CDYL2: variants seen among roughly 807,000 people sequenced by gnomAD.
The protein encoded by CDYL2 is chromodomain Y-like protein 2.
CDYL2 carries 23 observed loss-of-function variants against 49.4 expected under a neutral mutation model. The observed-to-expected ratio is 0.47, with a 90% confidence interval of 0.34 to 0.66. The LOEUF (loss-of-function observed/expected upper bound fraction) is 0.66. Ranked by LOEUF, CDYL2 falls within the 30% of genes least tolerant of loss-of-function variation. The probability of loss-of-function intolerance (pLI) is 0.01; values close to 1 mark genes in which losing one functional copy is unlikely to be tolerated. For synonymous variants in CDYL2, 360 were observed against 268.8 expected, an observed-to-expected ratio of 1.34 and a Z score of -3.32; for missense variants, 678 against 656.4, an observed-to-expected ratio of 1.03 and a Z score of -0.36.
chr16:80,804,915 C>T (rs991981787), upstream of CDYL2, among the ~76,000 whole-genome samples: 1 of 152,018 alleles, frequency 6.6e-6, no homozygotes, highest in Non-Finnish European at 1.5e-5. Context: ...CCTCCACCCT[C>T]GAGGGGAGTG....
chr16:80,716,066 A>G (rs1483102599), intron 1 of CDYL2, among the ~76,000 whole-genome samples: 1 of 152,268 alleles, frequency 6.6e-6, no homozygotes, highest in East Asian at 1.9e-4. Flanking sequence ...TGGGATCATT[A>G]TAAGGATGAA....
intron 1 of CDYL2, among the ~76,000 whole-genome samples, chr16:80,741,104 A>C (rs1292839008): frequency 6.6e-6 from 1 of 151,010 alleles, no homozygotes; most frequent in Non-Finnish European, 1.5e-5. Flanking sequence ...TAAGGTAGTA[A>C]GTAAGCATAG....
intron 1 of CDYL2, among the ~76,000 whole-genome samples, chr16:80,743,595 C>T (rs895246050): frequency 3.0e-4 from 45 of 152,158 alleles, no homozygotes; most frequent in African/African-American, 9.4e-4. Context: ...CCCCCAGAAA[C>T]CCCAGACATT....
intron 1 of CDYL2, among the ~76,000 whole-genome samples, chr16:80,726,273 C>A (rs998473267): frequency 2.0e-5 from 3 of 152,164 alleles, no homozygotes; most frequent in African/African-American, 7.2e-5. Context: ...CATAGGTTTT[C>A]TCCCAGTAAG....
At chr16:80,622,579 A>G (rs1362614710) in intron 3 of CDYL2, among the ~76,000 whole-genome samples, 1 of 152,150 alleles carries the variant, frequency 6.6e-6, no homozygotes, top group Non-Finnish European at 1.5e-5. Context: ...GTATACTCAG[A>G]GCCTAGCACA....
rs1906044383 is a variant in CDYL2, at chr16:80,600,720, C to T, written c.*3668G>A. On this transcript the variant is annotated 3_prime_UTR_variant, in exon 7 of 7. Transcript: ENST00000570137. The stretch of plus-strand genomic sequence containing the variant: ...TTTGAAGATGTTTCTATTTGTTTCT[C>T]TCTGTTAAAAAATTTCCACAGAAAC... The T allele has an allele frequency of 6.6e-6, 1 of 151,956 alleles. No homozygotes were observed. The highest frequency in any genetic ancestry group is 1.9e-4 in the East Asian group (1 of 5,198). The allele number at this position is 151,956 out of a possible 1,614,324, so 9.4% of individuals were successfully genotyped here. A position where few individuals can be genotyped will look rare whatever the true frequency, so the allele number is the denominator to read the frequency against.
In CDYL2 at chr16:80,658,327, G is replaced by T. The variant is rs376665957; in HGVS notation, c.617-25091C>A. Among the ~76,000 whole-genome samples the T allele has an allele frequency of 2.6e-5, 4 of 152,002 alleles. No homozygotes were observed. The East Asian group carries it at 5.8e-4, about 22-fold the overall frequency. On this transcript the variant is annotated intron_variant, in intron 2 of 6. Coordinates refer to ENST00000570137, the MANE Select transcript of CDYL2 (RefSeq NM_152342.4). ...GAAATAAACTAAATGAAAAGAGAAA[G>T]AAATAAACCTAATCGTCTTTCAAAG...
chr16:80,647,768 C>G (rs1908415127), intron 2 of CDYL2, among the ~76,000 whole-genome samples: 1 of 152,098 alleles, frequency 6.6e-6, no homozygotes, highest in African/African-American at 2.4e-5. Context: ...CTAGGACAGG[C>G]TACATTTTAA....
intron 2 of CDYL2, among the ~76,000 whole-genome samples, chr16:80,671,269 G>A (rs1223668415): frequency 1.3e-5 from 2 of 152,184 alleles, no homozygotes; most frequent in Admixed American, 6.5e-5. Flanking sequence ...ACAGAGTTAC[G>A]GACAAGCCAG....
In CDYL2 at chr16:80,696,481, A is replaced by G; in HGVS notation, c.25-11352T>C. ...AAACCATTAGCTAGACTAAGTAAAA[A>G]ATAGAGAAGACACAAATAAAATCAC... is the stretch of plus-strand genomic sequence containing the variant. On this transcript the variant is annotated intron_variant, in intron 1 of 6. Coordinates refer to ENST00000570137, the MANE Select transcript of CDYL2 (RefSeq NM_152342.4). Among the ~76,000 whole-genome samples, 2 of 152,114 alleles carry G rather than the reference A, an allele frequency of 1.3e-5. 1 individual carries two copies. Among genetic ancestry groups the G allele is most frequent in the Non-Finnish European group, 2.9e-5 (2 of 68,012 alleles).
At chr16:80,778,215 A>G (rs1233544760) in intron 1 of CDYL2, among the ~76,000 whole-genome samples, 1 of 152,036 alleles carries the variant, frequency 6.6e-6, no homozygotes, top group African/African-American at 2.4e-5. Context: ...ATTCATGGTG[A>G]AACAAAAAGC....
chr16:80,655,520 G>A lies in CDYL2; in HGVS notation c.617-22284C>T, dbSNP rs112691797. On this transcript the variant is annotated intron_variant, in intron 2 of 6. Coordinates refer to ENST00000570137, the MANE Select transcript of CDYL2 (RefSeq NM_152342.4). ...AGTGATGCAGGGAGGGGAGGTGTTC[G>A]TGAACCCAAATCTCATGGTCTTTCC... Among the ~76,000 whole-genome samples, 356 of 152,266 alleles carry A rather than the reference G, an allele frequency of 2.3e-3. 2 individuals carry two copies. The highest frequency in any genetic ancestry group is 8.1e-3 in the African/African-American group (335 of 41,564).
intron 2 of CDYL2, among the ~76,000 whole-genome samples, chr16:80,666,033 G>C (rs1411217127): frequency 6.6e-6 from 1 of 152,186 alleles, no homozygotes; most frequent in Non-Finnish European, 1.5e-5. Flanking sequence ...TCCACCTGAA[G>C]CGGAGTCTGA....
intron 1 of CDYL2, among the ~76,000 whole-genome samples, chr16:80,722,196 A>T (rs1473723090): frequency 2.0e-5 from 3 of 151,640 alleles, no homozygotes; most frequent in East Asian, 3.9e-4. Context: ...ATACTGATTT[A>T]AAAAAAAGAA....
At position 80,654,080 on chromosome 16, in the gene CDYL2, G is replaced by A. The variant is rs77083199; in HGVS notation, c.617-20844C>T. Reference sequence around the variant, plus strand: ...AGTGAGTGACTGCCCCGTGCAGGATGGAGCCACATCTCACGATGACTCTGC... The same window carrying A: ...AGTGAGTGACTGCCCCGTGCAGGATAGAGCCACATCTCACGATGACTCTGC... On this transcript the variant is annotated intron_variant, in intron 2 of 6. Transcript: ENST00000570137. Among the ~76,000 whole-genome samples, 544 of 152,360 alleles carry A rather than the reference G, an allele frequency of 3.6e-3. 2 individuals are homozygous for A. The highest frequency in any genetic ancestry group is 0.013 in the African/African-American group (526 of 41,592).
Position 80,793,744 on chromosome 16 carries a change from T to C in CDYL2, c.24+10406A>G, listed in dbSNP as rs559385929. Reference sequence around the variant, plus strand: ...TTCCAGGATCCCTAACACATAAAAATTGATACATAAAATAATTTCTCAGTG... The same window carrying C: ...TTCCAGGATCCCTAACACATAAAAACTGATACATAAAATAATTTCTCAGTG... On this transcript the variant is annotated intron_variant, in intron 1 of 6. Transcript: ENST00000570137. 7.2e-5 allele frequency among the ~76,000 whole-genome samples: 11 copies of C among 152,312 alleles called. No homozygotes were observed. The East Asian group carries it at 1.9e-3, about 27-fold the overall frequency.
At chr16:80,661,485 G>A (rs1300846625) in intron 2 of CDYL2, among the ~76,000 whole-genome samples, 7 of 152,264 alleles carry the variant, frequency 4.6e-5, no homozygotes, top group African/African-American at 1.7e-4. Context: ...TCACGACCCT[G>A]TAGGACACTG....
chr16:80,682,112 A>G (rs993681807), intron 2 of CDYL2, among the ~76,000 whole-genome samples: 36 of 152,170 alleles, frequency 2.4e-4, no homozygotes, highest in African/African-American at 6.0e-4. Flanking sequence ...ATCTCTCATC[A>G]GTTGCCAGAT....
chr16:80,625,331 C>T (rs989187021), intron 3 of CDYL2, among the ~76,000 whole-genome samples: 4 of 152,202 alleles, frequency 2.6e-5, no homozygotes, highest in Admixed American at 6.5e-5. Flanking sequence ...GCTGGGTCTT[C>T]CTCACCTTCT....
Sources: gnomAD v4.1 joint callset for allele counts (sites outside exome capture counted in the v4.1 genomes callset) on GRCh38, gnomAD v4.1.1 for gene constraint, MANE v1.5 for transcripts, NCBI Gene and HGNC (gene_info 2026-07-23, HGNC 2026-07-21) for gene names.